The following CMIP variants were observed in gnomAD, a reference collection of about 807,000 sequenced individuals.
CMIP encodes the protein c-Maf inducing protein, also known as C-Maf-inducing protein.
Under a neutral mutation model 97.3 loss-of-function variants are expected in CMIP, and 13 were observed. The observed-to-expected ratio is 0.13, with a 90% confidence interval of 0.09 to 0.21. The LOEUF is 0.21. Ranked by LOEUF, CMIP falls within the 10% of genes least tolerant of loss-of-function variation. The probability of loss-of-function intolerance (pLI) is 1.00; values close to 1 mark genes in which losing one functional copy is unlikely to be tolerated. For synonymous variants in CMIP, 538 were observed against 436.3 expected, an observed-to-expected ratio of 1.23 and a Z score of -2.91; for missense variants, 847 against 1,024.9, an observed-to-expected ratio of 0.83 and a Z score of 2.37.
chr16:81,477,997 A>G (rs915273208), intron 1 of CMIP, among the ~76,000 whole-genome samples: 4 of 152,218 alleles, frequency 2.6e-5, no homozygotes, highest in African/African-American at 4.8e-5. Flanking sequence ...CATCTGGGAA[A>G]TGTAAGTGGG....
chr16:81,488,425 T>C (rs2089354160), intron 1 of CMIP, among the ~76,000 whole-genome samples: 1 of 152,194 alleles, frequency 6.6e-6, no homozygotes, highest in Admixed American at 6.5e-5. Flanking sequence ...GTAATACGTA[T>C]GAAGTGCTTA....
At chr16:81,473,170 C>T (rs1039926945) in intron 1 of CMIP, among the ~76,000 whole-genome samples, 2 of 152,260 alleles carry the variant, frequency 1.3e-5, no homozygotes, top group Non-Finnish European at 2.9e-5. Flanking sequence ...GCACTGGTGG[C>T]CACCGCCTGC....
In CMIP at chr16:81,447,087, G is replaced by A. The variant is rs1905899509; in HGVS notation, c.300+1546G>A. Among the ~76,000 whole-genome samples, 3 of 152,208 alleles carry A rather than the reference G, an allele frequency of 2.0e-5. No individual in the cohort carries two copies. In the South Asian group the frequency reaches 6.2e-4, roughly 31 times the overall value. ...CGCAGCATTTGGCTTTCCAATGGAT[G>A]GAGGCGGGAGAGAGCCTCCGAAAAT... On this transcript the variant is annotated intron_variant, in intron 1 of 20. Coordinates refer to ENST00000537098, the MANE Select transcript of CMIP (RefSeq NM_198390.3).
chr16:81,650,676 G>A (rs1308194578), intron 3 of CMIP, among the ~76,000 whole-genome samples: 4 of 152,180 alleles, frequency 2.6e-5, no homozygotes, highest in Middle Eastern at 3.4e-3. Flanking sequence ...CAGTCTCAGC[G>A]TTCCTTTTTG....
At position 81,664,610 on chromosome 16, in the gene CMIP, C is replaced by T. The variant is rs140962423; in HGVS notation, c.825+261C>T. ...GCTGGAGGAGAAGAGGAAAGCCTCC[C>T]GGGAAGAATAGGCCCAAATAATGTC... On this transcript the variant is annotated intron_variant, in intron 7 of 20. Coordinates refer to ENST00000537098, the MANE Select transcript of CMIP (RefSeq NM_198390.3). The T allele has an allele frequency of 7.9e-3, 4,623 of 584,206 alleles. 29 individuals are homozygous for T. The highest frequency in any genetic ancestry group is 0.011 in the Non-Finnish European group (3,741 of 329,322). 36.2% of individuals were successfully genotyped at this position (584,206 alleles called of 1,614,324 possible).
intron 7 of CMIP, among the ~76,000 whole-genome samples, chr16:81,668,965 TCA>T (rs1464212404): frequency 2.6e-5 from 2 of 76,826 alleles, no homozygotes; most frequent in Non-Finnish European, 5.3e-5. Flanking sequence ...CACACCCACC[TCA>T]CACTCCTTCC....
chr16:81,504,411 G>A (rs1380380101), intron 1 of CMIP, among the ~76,000 whole-genome samples: 1 of 152,008 alleles, frequency 6.6e-6, no homozygotes, highest in Admixed American at 6.6e-5. Flanking sequence ...GGGAGGCCAA[G>A]GCAGGTGGAT....
chr16:81,501,668 G>C (rs2089615543), intron 1 of CMIP, among the ~76,000 whole-genome samples: 1 of 150,398 alleles, frequency 6.6e-6, no homozygotes, highest in African/African-American at 2.5e-5. Context: ...CTGGAGTGCA[G>C]TGTCGTGATC....
At chr16:81,589,898 G>A (rs1309042349) in intron 1 of CMIP, among the ~76,000 whole-genome samples, 4 of 152,238 alleles carry the variant, frequency 2.6e-5, no homozygotes, top group Non-Finnish European at 5.9e-5. Flanking sequence ...CCTCAATGGC[G>A]TGTGTAATGA....
chr16:81,678,903 C>T (rs4889363), intron 10 of CMIP, among the ~76,000 whole-genome samples: 36,623 of 152,246 alleles, frequency 0.24, 4,548 homozygotes, highest in Non-Finnish European at 0.27. Context: ...TATATACACA[C>T]GTGGGGTGCA....
chr16:81,471,347 T>G (rs934452679), intron 1 of CMIP, among the ~76,000 whole-genome samples: 1 of 152,322 alleles, frequency 6.6e-6, no homozygotes, highest in South Asian at 2.1e-4. Context: ...TATGTATAGG[T>G]GCACACATAT....
Position 81,445,269 on chromosome 16 carries a change from G to A in CMIP, c.28G>A (p.Gly10Ser). ...GGATGTGACCAGCAGCTCGGGCGGC[G>A]GCGGCGACCCCCGGCAGATCGAGGA... The part of the protein sequence containing the change: MDVTSSSGG[G>S]GDPRQIEETK... Residue 10 changes from glycine (G) to serine (S), a missense_variant, in exon 1 of 21, where the codon GGC (glycine) becomes AGC (serine). Around this residue, in one of 4 missense-constraint regions of CMIP, gnomAD observed 94 missense variants for 79.9 expected, o/e 1.18. Coordinates refer to ENST00000537098, the MANE Select transcript of CMIP (RefSeq NM_198390.3). The A allele has an allele frequency of 6.5e-7, 1 of 1,540,486 alleles. No homozygotes were observed.
At chr16:81,661,749 G>A (rs2092549399) in intron 6 of CMIP, among the ~76,000 whole-genome samples, 1 of 152,132 alleles carries the variant, frequency 6.6e-6, no homozygotes, top group East Asian at 1.9e-4. Context: ...CCCCTTCCCG[G>A]CCCCCCACCC....
intron 1 of CMIP, among the ~76,000 whole-genome samples, chr16:81,592,979 G>A (rs1284182723): frequency 6.6e-6 from 1 of 152,246 alleles, no homozygotes; most frequent in Non-Finnish European, 1.5e-5. Flanking sequence ...CAGATGCCAA[G>A]GGCTGCACCC....
At chr16:81,550,168 C>A (rs2090624902) in intron 1 of CMIP, among the ~76,000 whole-genome samples, 1 of 152,234 alleles carries the variant, frequency 6.6e-6, no homozygotes, top group South Asian at 2.1e-4. Flanking sequence ...CCTTACTGTT[C>A]CACAGTGGAT....
At chr16:81,474,318 TTCTTC>T (rs1002916469) in intron 1 of CMIP, among the ~76,000 whole-genome samples, 20 of 151,996 alleles carry the variant, frequency 1.3e-4, no homozygotes, top group African/African-American at 4.8e-4. Context: ...ACTGTCTCCA[TTCTTC>T]TCTTTCCCCC....
intron 10 of CMIP, among the ~76,000 whole-genome samples, chr16:81,682,954 G>A (rs1905021653): frequency 1.3e-5 from 2 of 152,212 alleles, no homozygotes; most frequent in African/African-American, 2.4e-5. Flanking sequence ...ACGTGGATTC[G>A]GGAGGCGAAG....
At chr16:81,474,176 C>T (rs1407214262) in intron 1 of CMIP, among the ~76,000 whole-genome samples, 1 of 152,114 alleles carries the variant, frequency 6.6e-6, no homozygotes, top group African/African-American at 2.4e-5. Context: ...CAGGTTCCCC[C>T]CTGCTCAGAG....
intron 1 of CMIP, among the ~76,000 whole-genome samples, chr16:81,548,130 CTTTT>C (rs11351275): frequency 6.3e-5 from 7 of 111,744 alleles, no homozygotes; most frequent in South Asian, 2.9e-4. Context: ...GGATGGATCA[CTTTT>C]TTTTTTTTTT....
Sources: allele counts gnomAD v4.1 joint callset (sites outside exome capture counted in the v4.1 genomes callset), GRCh38; gene constraint gnomAD v4.1.1; regional missense constraint gnomAD v4.1.1; transcripts MANE v1.5; gene names NCBI Gene and HGNC (gene_info 2026-07-23, HGNC 2026-07-21).